The following ARHGAP5 variants were observed in gnomAD, a reference collection of about 807,000 sequenced individuals.
ARHGAP5 encodes rho GTPase-activating protein 5.
ARHGAP5 carries 23 observed loss-of-function variants against 116.6 expected under a neutral mutation model. The observed-to-expected ratio is 0.20, with a 90% CI of 0.14 to 0.28. The LOEUF is 0.28. Ranked by LOEUF, ARHGAP5 falls within the 10% of genes least tolerant of loss-of-function variation. The probability of loss-of-function intolerance (pLI) is 1.00; values close to 1 mark genes in which losing one functional copy is unlikely to be tolerated. For synonymous variants in ARHGAP5, 574 were observed against 602.0 expected, an observed-to-expected ratio of 0.95 and a Z score of 0.68; for missense variants, 1,405 against 1,774.8, an observed-to-expected ratio of 0.79 and a Z score of 3.74.
rs184176812 is a variant in ARHGAP5 at position 32,131,119 on chromosome 14, A to G, written c.3865+13832A>G. Among the ~76,000 whole-genome samples the G allele has an allele frequency of 2.6e-5, 4 of 152,282 alleles. No homozygotes were observed. The East Asian group carries it at 7.7e-4, about 29-fold the overall frequency. ...CATGTTTAGGAAATTTAATATTGAT[A>G]CAATTCTATTGTCTAATATAATGTC... On this transcript the variant is annotated intron_variant, in intron 3 of 6. Transcript: ENST00000345122.
chr14:32,148,316 C>G (rs1010098106), intron 4 of ARHGAP5, among the ~76,000 whole-genome samples: 2 of 152,106 alleles, frequency 1.3e-5, no homozygotes, highest in Admixed American at 6.5e-5. Flanking sequence ...AATACCAAGG[C>G]TCTTGAGTTT....
chr14:32,078,160 G>C (rs1277185545), intron 1 of ARHGAP5: 1 of 152,174 alleles, frequency 6.6e-6, no homozygotes, highest in African/African-American at 2.4e-5. Context: ...ATCGGGGTGG[G>C]GGTGGGGAGC....
Position 32,155,201 on chromosome 14 carries a change from C to T in ARHGAP5, c.*253C>T. 2.5e-6 allele frequency: 1 copy of T among 393,156 alleles called. No homozygotes were observed. The highest frequency in any genetic ancestry group is 4.6e-6 in the Non-Finnish European group (1 of 218,202). 24.4% of individuals were successfully genotyped at this position (393,156 alleles called of 1,614,324 possible). On this transcript the variant is annotated 3_prime_UTR_variant, in exon 7 of 7. Coordinates refer to ENST00000345122, the MANE Select transcript of ARHGAP5 (RefSeq NM_001030055.2). Reference sequence around the variant, plus strand: ...AGTACAAAGCTGCTGCTGCATGCAACCTTATTGCAATCAGTATATCATTCC... The same window carrying T: ...AGTACAAAGCTGCTGCTGCATGCAATCTTATTGCAATCAGTATATCATTCC...
At chr14:32,081,161 G>C (rs2041768213) in intron 1 of ARHGAP5, among the ~76,000 whole-genome samples, 1 of 152,088 alleles carries the variant, frequency 6.6e-6, no homozygotes, top group African/African-American at 2.4e-5. Context: ...GACACTTTAA[G>C]AATTTGAGGT....
In ARHGAP5 at chr14:32,087,494, T is replaced by G. The variant is rs2041842129; in HGVS notation, c.-168-3008T>G. On this transcript the variant is annotated intron_variant, in intron 1 of 6. Coordinates refer to ENST00000345122, the MANE Select transcript of ARHGAP5 (RefSeq NM_001030055.2). ...TCCCCCGCCCGCCCTCCCCCGCTTT[T>G]TTTTTTTTCAAACCAAAGCCTCTTG... Among the ~76,000 whole-genome samples the G allele has an allele frequency of 3.8e-5, 5 of 130,800 alleles. No individual in the cohort carries two copies. The South Asian group carries it at 1.4e-3, about 36-fold the overall frequency. The allele number at this position is 130,800 out of a possible 152,430, so 85.8% of individuals were successfully genotyped here.
In ARHGAP5 at chr14:32,129,610, T is replaced by C. The variant is rs562457895; in HGVS notation, c.3865+12323T>C. Among the ~76,000 whole-genome samples the C allele has an allele frequency of 3.9e-5, 6 of 152,356 alleles. No individual in the cohort carries two copies. The South Asian group carries it at 1.2e-3, about 32-fold the overall frequency. On this transcript the variant is annotated intron_variant, in intron 3 of 6. Transcript: ENST00000345122. ...TACAACTTCCTTAAGTAAAACCTTTTTGTTTAAACTTCAGCTTTCCCACTT... is the reference window on the plus strand; with the variant it reads ...TACAACTTCCTTAAGTAAAACCTTTCTGTTTAAACTTCAGCTTTCCCACTT...
At chr14:32,154,017 G>C (rs541485431) in intron 6 of ARHGAP5, 1 of 152,348 alleles carries the variant, frequency 6.6e-6, no homozygotes, top group South Asian at 2.1e-4. Context: ...TCCAAAGCTA[G>C]TTGAGAGAGC....
chr14:32,136,522 G>A (rs1880809984), intron 3 of ARHGAP5, among the ~76,000 whole-genome samples: 1 of 152,096 alleles, frequency 6.6e-6, no homozygotes, highest in Non-Finnish European at 1.5e-5. Context: ...ACAAGTATTT[G>A]GATTGTTTTC....
intron 4 of ARHGAP5, 28 bp downstream of exon 4, chr14:32,146,368 A>G (rs1566684327): frequency 6.5e-7 from 1 of 1,532,632 alleles, no homozygotes; most frequent in Non-Finnish European, 9.0e-7. Context: ...TGAAATAAAA[A>G]TTGTTGTTTT....
chr14:32,078,680 G>A (rs1408680265), intron 1 of ARHGAP5, among the ~76,000 whole-genome samples: 1 of 152,128 alleles, frequency 6.6e-6, no homozygotes, highest in Non-Finnish European at 1.5e-5. Context: ...ATGTTAGGTG[G>A]TGTTTATCCG....
chr14:32,092,107 C>G lies in ARHGAP5; in HGVS notation c.1438C>G (p.Arg480Gly). The change falls in exon 2 of 7, where the codon CGA becomes GGA. Residue 480 changes from arginine (R) to glycine (G), a missense_variant. Coordinates refer to ENST00000345122, the MANE Select transcript of ARHGAP5 (RefSeq NM_001030055.2). This position sits in a 1 kb window ranked among gnomAD's most constrained non-coding sequence, Gnocchi z 4.1. ...DSKEVYGRHQ[R>G]EIVEKAKEEF... is the part of the protein sequence containing the mutation. ...CAAAGAGGTATATGGTAGGCATCAGCGAGAAATAGTTGAAAAAGCCAAAGA... is the reference window on the plus strand; with the variant it reads ...CAAAGAGGTATATGGTAGGCATCAGGGAGAAATAGTTGAAAAAGCCAAAGA... 2 of 1,613,052 alleles carry G rather than the reference C, an allele frequency of 1.2e-6. No homozygotes were observed. The highest frequency in any genetic ancestry group is 1.7e-6 in the Non-Finnish European group (2 of 1,179,306).
At chr14:32,107,538 A>G (rs1879074608) in intron 2 of ARHGAP5, among the ~76,000 whole-genome samples, 1 of 152,196 alleles carries the variant, frequency 6.6e-6, no homozygotes, top group Admixed American at 6.5e-5. Flanking sequence ...CAGTTACAGG[A>G]ACCAAAAGGA....
intron 3 of ARHGAP5, among the ~76,000 whole-genome samples, chr14:32,119,662 G>A (rs2139075815): frequency 6.6e-6 from 1 of 152,122 alleles, no homozygotes; most frequent in East Asian, 1.9e-4. Flanking sequence ...ACTTTATCTG[G>A]TTGAGAAAGT....
chr14:32,117,438 T>C (rs1879659549), intron 3 of ARHGAP5, 151 bp downstream of exon 3: 4 of 688,722 alleles, frequency 5.8e-6, no homozygotes, highest in Non-Finnish European at 8.5e-6. Context: ...CCATCTGATA[T>C]TTGAAAGAAG....
intron 1 of ARHGAP5, chr14:32,078,444 G>T (rs1358169216): frequency 6.6e-6 from 1 of 152,210 alleles, no homozygotes; most frequent in Non-Finnish European, 1.5e-5. Context: ...AGCAAGATAG[G>T]CATATAGATG....
At chr14:32,154,490 T>C (rs899209833) in intron 6 of ARHGAP5, 131 bp from the exon 7 acceptor site, 4 of 833,260 alleles carry the variant, frequency 4.8e-6, no homozygotes, top group African/African-American at 3.4e-5. Context: ...TGCTTCTTTA[T>C]GCAAATTTTT....
chr14:32,126,351 G>A (rs1880152821), intron 3 of ARHGAP5, among the ~76,000 whole-genome samples: 1 of 152,130 alleles, frequency 6.6e-6, no homozygotes, highest in Non-Finnish European at 1.5e-5. Flanking sequence ...CCTCTTTCTT[G>A]CTTCTGGTGG....
chr14:32,129,101 C>T (rs1366116916), intron 3 of ARHGAP5, among the ~76,000 whole-genome samples: 2 of 152,182 alleles, frequency 1.3e-5, no homozygotes, highest in Non-Finnish European at 2.9e-5. Context: ...TTTGCAACTT[C>T]TAATCTGCTG....
chr14:32,111,562 ATCT>A (rs1310708525), intron 2 of ARHGAP5, among the ~76,000 whole-genome samples: 2 of 152,210 alleles, frequency 1.3e-5, no homozygotes, highest in African/African-American at 4.8e-5. Flanking sequence ...AATTGGCGAC[ATCT>A]TCTATAGATT....
Sources: allele counts gnomAD v4.1 joint callset (sites outside exome capture counted in the v4.1 genomes callset), GRCh38; gene constraint gnomAD v4.1.1; non-coding constraint Gnocchi (gnomAD v3.1); transcripts MANE v1.5; gene names NCBI Gene and HGNC (gene_info 2026-07-23, HGNC 2026-07-21).